IMMP2L: variants seen among roughly 807,000 people sequenced by gnomAD.
IMMP2L encodes the protein inner mitochondrial membrane peptidase subunit 2.
A neutral mutation model predicts 19.3 loss-of-function variants in IMMP2L; 18 were observed. That is an observed-to-expected ratio of 0.93 (90% CI 0.64 to 1.38). The LOEUF (loss-of-function observed/expected upper bound fraction) is 1.38. Among genes scored for constraint, IMMP2L ranks in the 40% most tolerant of loss-of-function variants. The pLI is 0.00. For synonymous variants in IMMP2L, 76 were observed against 73.0 expected (o/e 1.04, Z -0.21); for missense variants, 233 against 218.2 (o/e 1.07, Z -0.43).
At chr7:110,686,158 C>T (rs1421193969) in intron 5 of IMMP2L, among the ~76,000 whole-genome samples, 1 of 152,036 alleles carries the variant, frequency 6.6e-6, no homozygotes, top group Non-Finnish European at 1.5e-5. Flanking sequence ...GTCTCCATCT[C>T]CCTCTGCAAT....
Position 111,328,967 on chromosome 7 carries a change from A to G in IMMP2L, c.239+158271T>C, listed in dbSNP as rs1477765302. Among the ~76,000 whole-genome samples the G allele has an allele frequency of 2.0e-5, 3 of 151,868 alleles. No homozygotes were observed. The East Asian group carries it at 5.8e-4, about 29-fold the overall frequency. ...GAGAAAAAAAAAGCCATTGATTTTT[A>G]CATTAGTAAGACCTTGGTAAGATCT... On this transcript the variant is annotated intron_variant, in intron 3 of 5. Transcript: ENST00000405709.
intron 2 of IMMP2L, among the ~76,000 whole-genome samples, chr7:111,502,565 T>C (rs923956441): frequency 6.6e-6 from 1 of 152,118 alleles, no homozygotes; most frequent in Non-Finnish European, 1.5e-5. Context: ...GACCACATAG[T>C]TGGAAGTAAA....
chr7:111,503,515 A>C lies in IMMP2L; in HGVS notation c.136-16174T>G, dbSNP rs906322916. The stretch of plus-strand genomic sequence containing the variant: ...TACCAAAGCCTGGCAGAGACACAAC[A>C]AAAAAAGAGAATTTTAGACCAATAT... On this transcript the variant is annotated intron_variant, in intron 2 of 5. Transcript: ENST00000405709. Among the ~76,000 whole-genome samples, 13 of 152,074 alleles carry C rather than the reference A, an allele frequency of 8.5e-5. 1 individual carries two copies. The highest frequency in any genetic ancestry group is 4.2e-4 in the South Asian group (2 of 4,814).
At chr7:110,777,945 T>G (rs1799501045) in intron 5 of IMMP2L, among the ~76,000 whole-genome samples, 1 of 152,006 alleles carries the variant, frequency 6.6e-6, no homozygotes, top group African/African-American at 2.4e-5. Context: ...CCTAACATTT[T>G]CTAACTGATG....
At position 110,887,729 on chromosome 7, in the gene IMMP2L, G is replaced by C. The variant is rs541205124; in HGVS notation, c.306-1034C>G. Reference sequence around the variant, plus strand: ...ATCCCACAATAAGAAGTTATTTTGGGGCAGAGACTGCTTTTTTTTTTTTCT... The same window carrying C: ...ATCCCACAATAAGAAGTTATTTTGGCGCAGAGACTGCTTTTTTTTTTTTCT... On this transcript the variant is annotated intron_variant, in intron 4 of 5. Transcript: ENST00000405709. 1.5e-4 allele frequency among the ~76,000 whole-genome samples: 23 copies of C among 151,144 alleles called. 1 individual carries two copies. The highest frequency in any genetic ancestry group is 5.6e-4 in the African/African-American group (23 of 41,304).
At chr7:111,122,119 GT>G (rs1800714901) in intron 3 of IMMP2L, among the ~76,000 whole-genome samples, 1 of 151,798 alleles carries the variant, frequency 6.6e-6, no homozygotes, top group Admixed American at 6.6e-5. Context: ...TATACCTAAT[GT>G]TAAATGACGA....
Position 111,521,352 on chromosome 7 carries a change from C to A in IMMP2L, c.96G>T (p.Arg32=). The A allele has an allele frequency of 6.2e-7, 1 of 1,613,224 alleles. No homozygotes were observed. Among genetic ancestry groups the A allele is most frequent in the South Asian group, 1.1e-5 (1 of 91,016 alleles). The change falls in exon 2 of 6, where the codon CGG becomes CGT. Residue 32 remains arginine, a synonymous_variant. Coordinates refer to ENST00000405709, the MANE Select transcript of IMMP2L (RefSeq NM_032549.4). The part of the protein sequence containing the change: ...AVPVAVTFLD[R]VACVARVEGA... ...CTTCTACTCTTGCCACACAGGCGAC[C>A]CGATCCAAGAAAGTCACTGCCACAG...
At chr7:111,421,912 G>T (rs1835596648) in intron 3 of IMMP2L, among the ~76,000 whole-genome samples, 2 of 151,888 alleles carry the variant, frequency 1.3e-5, no homozygotes, top group East Asian at 3.9e-4. Context: ...GGGTTAGGAA[G>T]GGATCCAGTT....
At chr7:111,192,279 T>C (rs1808966751) in intron 3 of IMMP2L, among the ~76,000 whole-genome samples, 1 of 152,104 alleles carries the variant, frequency 6.6e-6, no homozygotes, top group Non-Finnish European at 1.5e-5. Context: ...CAAGGCCAAA[T>C]ATTTAAAATA....
intron 3 of IMMP2L, among the ~76,000 whole-genome samples, chr7:111,016,619 T>A (rs1410640630): frequency 1.8e-5 from 2 of 108,906 alleles, no homozygotes; most frequent in African/African-American, 8.1e-5. Context: ...ATATAATATA[T>A]ACATATATAT....
At chr7:111,284,233 A>G (rs10487308) in intron 3 of IMMP2L, among the ~76,000 whole-genome samples, 6,511 of 152,238 alleles carry the variant, frequency 0.043, 207 homozygotes, top group South Asian at 0.083. Flanking sequence ...TTGCTCATAA[A>G]CTGAAGAACT....
intron 3 of IMMP2L, among the ~76,000 whole-genome samples, chr7:111,158,458 C>T (rs1804889092): frequency 2.0e-5 from 3 of 152,028 alleles, no homozygotes; most frequent in Non-Finnish European, 4.4e-5. Flanking sequence ...AAAGTAGTGA[C>T]AATTATGCCT....
intron 3 of IMMP2L, among the ~76,000 whole-genome samples, chr7:111,288,888 T>C (rs137980425): frequency 0.027 from 4,049 of 152,114 alleles, 92 homozygotes; most frequent in Non-Finnish European, 0.038. Flanking sequence ...GAACCAGAAA[T>C]ACCATTTGAC....
rs1433322760 is a variant in IMMP2L, at chr7:110,691,913, T to TC, written c.409-28193_409-28192insG. ...GCAGTATGAAGATTTCTCAAAGAAA[T>TC]TAAAAGTAGATTTACCATTCAATCC... On this transcript the variant is annotated intron_variant, in intron 5 of 5. Coordinates refer to ENST00000405709, the MANE Select transcript of IMMP2L (RefSeq NM_032549.4). Among the ~76,000 whole-genome samples the TC allele has an allele frequency of 7.6e-4, 116 of 152,308 alleles. 1 individual carries two copies. The highest frequency in any genetic ancestry group is 1.5e-4 in the Non-Finnish European group (10 of 68,016).
intron 3 of IMMP2L, among the ~76,000 whole-genome samples, chr7:111,416,612 T>A (rs1184377855): frequency 6.6e-6 from 1 of 151,848 alleles, no homozygotes; most frequent in Non-Finnish European, 1.5e-5. Flanking sequence ...TGAAAACACA[T>A]ATTTTAGCCC....
intron 3 of IMMP2L, among the ~76,000 whole-genome samples, chr7:111,453,415 C>G (rs1489288792): frequency 6.6e-6 from 1 of 152,168 alleles, no homozygotes; most frequent in Non-Finnish European, 1.5e-5. Flanking sequence ...CTTCAAAAAC[C>G]TTCACAAAAG....
chr7:110,825,143 C>G (rs1223161054), intron 5 of IMMP2L, among the ~76,000 whole-genome samples: 1 of 152,054 alleles, frequency 6.6e-6, no homozygotes, highest in Non-Finnish European at 1.5e-5. Context: ...TGTGAAGGAC[C>G]TCCTCAAGGA....
intron 3 of IMMP2L, among the ~76,000 whole-genome samples, chr7:111,284,459 A>G (rs188127898): frequency 2.0e-5 from 3 of 151,668 alleles, no homozygotes; most frequent in Non-Finnish European, 4.4e-5. Flanking sequence ...TTGGCCAAGA[A>G]AAAAAAAATG....
chr7:111,060,135 T>G (rs551236318), intron 3 of IMMP2L, among the ~76,000 whole-genome samples: 3 of 152,264 alleles, frequency 2.0e-5, no homozygotes, highest in Non-Finnish European at 4.4e-5. Context: ...AAAAAGCAAA[T>G]TTTTAAAAAA....
Sources: allele counts gnomAD v4.1 joint callset (sites outside exome capture counted in the v4.1 genomes callset), GRCh38; gene constraint gnomAD v4.1.1; transcripts MANE v1.5; gene names NCBI Gene and HGNC (gene_info 2026-07-23, HGNC 2026-07-21).